Variants in SPI1 observed in about 807,000 individuals in gnomAD.
SPI1 encodes transcription factor PU.1.
In SPI1, 3 loss-of-function variants were observed where a neutral mutation model predicts 30.7. That is an observed-to-expected ratio of 0.10 (90% confidence interval 0.04 to 0.25). The LOEUF is 0.25. Among genes scored for constraint, SPI1 ranks in the 10% least tolerant of loss-of-function variants. SPI1 has a pLI of 1.00. For missense variants in SPI1, 261 were observed against 371.5 expected, an observed-to-expected ratio of 0.70 and a Z score of 2.45; for synonymous variants, 169 against 157.1, an observed-to-expected ratio of 1.08 and a Z score of -0.56.
intron 1 of SPI1, among the ~76,000 whole-genome samples, chr11:47,377,934 G>A (rs991846165): frequency 1.4e-4 from 22 of 152,276 alleles, no homozygotes; most frequent in African/African-American, 5.1e-4. Flanking sequence ...TTCCCATCCA[G>A]GGGACCGGCC....
chr11:47,376,134 C>G (rs920906150), intron 1 of SPI1, among the ~76,000 whole-genome samples: 1 of 151,894 alleles, frequency 6.6e-6, no homozygotes, highest in African/African-American at 2.4e-5. Flanking sequence ...CTCACAGCCC[C>G]TACCCACCCC....
chr11:47,366,682 G>C (rs548471247), intron 2 of SPI1, among the ~76,000 whole-genome samples: 2 of 152,146 alleles, frequency 1.3e-5, no homozygotes, highest in Non-Finnish European at 2.9e-5. Context: ...TTAGCTGGGC[G>C]TGGTGGCAGG....
At chr11:47,377,623 A>G (rs936999753) in intron 1 of SPI1, among the ~76,000 whole-genome samples, 3 of 151,292 alleles carry the variant, frequency 2.0e-5, no homozygotes, top group Non-Finnish European at 3.0e-5. Flanking sequence ...CCCAGCCCCA[A>G]TCTCAGTCCT....
rs2095917576 is a variant in SPI1 at position 47,359,614 on chromosome 11, G to A, written c.330+239C>T. Among the ~76,000 whole-genome samples, 1 of 152,070 alleles carries A rather than the reference G, an allele frequency of 6.6e-6. No individual in the cohort carries two copies. The highest frequency in any genetic ancestry group is 1.5e-5 in the Non-Finnish European group (1 of 68,010). On this transcript the variant is annotated intron_variant, in intron 3 of 4. Transcript: ENST00000378538. This position sits in a 1 kb window ranked among gnomAD's most constrained non-coding sequence, Gnocchi z 5.1. ...CAAGGCGTTGGGATGGGGAGGCTTG[G>A]TGAGGGTGCGAGAATTATCTGGGGT...
rs1417095568 is a variant in SPI1 at position 47,358,973 on chromosome 11, G to T, written c.364C>A (p.Pro122Thr). ...SYLPRMCLQY[P>T]SLSPAQPSSD... is the part of the protein sequence containing the mutation. ...CTGGGCTGGGCTGGGGACAGGGATG[G>T]GTACTGGAGGCACATCCGGGGCAGG... Residue 122 changes from proline to threonine, a missense_variant, in exon 4 of 5, where the codon CCA becomes ACA. By Grantham distance (38) the Pro-to-Thr change is conservative. Transcript: ENST00000378538. The T allele has an allele frequency of 1.3e-6, 2 of 1,537,446 alleles. No individual in the cohort carries two copies. The highest frequency in any genetic ancestry group is 1.8e-6 in the Non-Finnish European group (2 of 1,142,678).
intron 2 of SPI1, among the ~76,000 whole-genome samples, chr11:47,363,572 C>G (rs1394664103): frequency 6.6e-5 from 10 of 152,096 alleles, no homozygotes; most frequent in Non-Finnish European, 2.9e-5. Flanking sequence ...TATGTTGCCT[C>G]CAACTCCTGG....
intron 2 of SPI1, among the ~76,000 whole-genome samples, chr11:47,365,970 C>T (rs1461986724): frequency 1.3e-5 from 2 of 152,216 alleles, no homozygotes; most frequent in Non-Finnish European, 1.5e-5. Flanking sequence ...GCTGGGATTA[C>T]AGGCATGAGC....
At position 47,355,418 on chromosome 11, in the gene SPI1, C is replaced by T; in HGVS notation, c.622G>A (p.Ala208Thr). Reference protein sequence around the residue: ...TFQFSSKHKEALAHRWGIQKG... With the variant: ...TFQFSSKHKETLAHRWGIQKG... ...TGGATGCCCCAGCGGTGCGCCAGCG[C>T]CTCCTTGTGCTTGGACGAGAACTGG... is the stretch of plus-strand genomic sequence containing the variant. Residue 208 changes from alanine (A) to threonine (T), a missense_variant, in exon 5 of 5, where the codon GCG (alanine) becomes ACG (threonine). Around this residue, in one of 5 missense-constraint regions of SPI1, gnomAD observed 43 missense variants for 123.8 expected, o/e 0.35. Coordinates refer to ENST00000378538, the MANE Select transcript of SPI1 (RefSeq NM_003120.3). The T allele has an allele frequency of 1.2e-6, 2 of 1,613,844 alleles. No homozygotes were observed. The highest frequency in any genetic ancestry group is 1.7e-6 in the Non-Finnish European group (2 of 1,179,788).
intron 4 of SPI1, among the ~76,000 whole-genome samples, chr11:47,357,943 C>G (rs756708068): frequency 6.6e-6 from 1 of 152,008 alleles, no homozygotes; most frequent in African/African-American, 2.4e-5. Context: ...CACACATGCA[C>G]ACCTGCTCAC....
intron 2 of SPI1, among the ~76,000 whole-genome samples, chr11:47,363,347 C>A (rs2095923571): frequency 6.6e-6 from 1 of 152,068 alleles, no homozygotes; most frequent in African/African-American, 2.4e-5. Context: ...ATGATGAAAC[C>A]CCGTCTCTAC....
chr11:47,357,372 T>C, intron 4 of SPI1, among the ~76,000 whole-genome samples: 1 of 148,486 alleles, frequency 6.7e-6, no homozygotes, highest in South Asian at 2.1e-4. Context: ...CACTTGCACC[T>C]CACACCTGCT....
chr11:47,372,092 T>G (rs1052003872), intron 2 of SPI1, among the ~76,000 whole-genome samples: 15 of 151,358 alleles, frequency 9.9e-5, no homozygotes, highest in African/African-American at 3.6e-4. Context: ...GAAAATGGTC[T>G]CTTTGTCTGA....
At chr11:47,370,138 C>G (rs1485098568) in intron 2 of SPI1, among the ~76,000 whole-genome samples, 1 of 152,246 alleles carries the variant, frequency 6.6e-6, no homozygotes, top group Non-Finnish European at 1.5e-5. Flanking sequence ...GACAGTGGCT[C>G]ACGCCTGTAA....
intron 2 of SPI1, among the ~76,000 whole-genome samples, chr11:47,363,963 C>CAAAAAA (rs1161379136): frequency 5.1e-5 from 3 of 58,880 alleles, no homozygotes; most frequent in African/African-American, 1.4e-4. Flanking sequence ...ACTCGGTCTC[C>CAAAAAA]AAAAAAAAAA....
intron 2 of SPI1, among the ~76,000 whole-genome samples, chr11:47,369,216 C>T (rs2095932399): frequency 6.6e-6 from 1 of 152,198 alleles, no homozygotes; most frequent in Non-Finnish European, 1.5e-5. Flanking sequence ...CACGCCACTG[C>T]ACTCCAGCCT....
chr11:47,360,453 C>G (rs150596992), intron 2 of SPI1, among the ~76,000 whole-genome samples: 1 of 152,248 alleles, frequency 6.6e-6, no homozygotes, highest in Non-Finnish European at 1.5e-5. Context: ...TGGGAAGATA[C>G]GAATGAGTAC....
intron 2 of SPI1, among the ~76,000 whole-genome samples, chr11:47,370,884 G>GTGTA (rs1303739403): frequency 2.0e-5 from 3 of 152,086 alleles, no homozygotes; most frequent in African/African-American, 7.2e-5. Context: ...ATGTGAGTGT[G>GTGTA]TGTGTGTGTG....
At chr11:47,369,553 A>G (rs1440078619) in intron 2 of SPI1, among the ~76,000 whole-genome samples, 1 of 16,594 alleles carries the variant, frequency 6.0e-5, no homozygotes. Flanking sequence ...AACAAAAGAG[A>G]GAGAGAGAAA....
At chr11:47,361,288 A>T (rs890876807) in intron 2 of SPI1, among the ~76,000 whole-genome samples, 1 of 152,136 alleles carries the variant, frequency 6.6e-6, no homozygotes, top group Non-Finnish European at 1.5e-5. Context: ...CTCACACACT[A>T]GAACTTGTCC....
Sources: gnomAD v4.1 joint callset for allele counts (sites outside exome capture counted in the v4.1 genomes callset) on GRCh38, gnomAD v4.1.1 for gene constraint, gnomAD v4.1.1 regional missense constraint, Gnocchi (gnomAD v3.1) non-coding constraint, MANE v1.5 for transcripts, NCBI Gene and HGNC (gene_info 2026-07-23, HGNC 2026-07-21) for gene names.